The following ZNF169 variants were observed in gnomAD, a reference collection of about 807,000 sequenced individuals.
The protein encoded by ZNF169 is zinc finger protein 169.
ZNF169 carries 11 observed loss-of-function variants against 12.0 expected under a neutral mutation model. The ratio of observed to expected loss-of-function variants is 0.92; its 90% CI spans 0.58 to 1.52. The LOEUF is 1.52. Among genes scored for constraint, ZNF169 ranks in the 40% most tolerant of loss-of-function variants. The pLI is 0.00. For synonymous variants in ZNF169, 302 were observed against 286.5 expected (o/e 1.05, Z -0.55); for missense variants, 722 against 744.0 (o/e 0.97, Z 0.34).
intron 1 of ZNF169, among the ~76,000 whole-genome samples, chr9:94,276,057 G>A (rs971107145): frequency 2.0e-5 from 3 of 152,142 alleles, no homozygotes; most frequent in Non-Finnish European, 2.9e-5. Context: ...GATTACAGGC[G>A]TGAGCCACCA....
chr9:94,292,608 TGTGTGTG>T (rs752372516), intron 3 of ZNF169, 141 bp downstream of exon 3: 17 of 240,758 alleles, frequency 7.1e-5, no homozygotes, highest in Non-Finnish European at 1.1e-4. Flanking sequence ...ACAGTGCAGT[TGTGTGTG>T]TGTGTGTGTG....
At chr9:94,279,429 G>T (rs1286423876) in intron 2 of ZNF169, among the ~76,000 whole-genome samples, 1 of 151,216 alleles carries the variant, frequency 6.6e-6, no homozygotes, top group African/African-American at 2.4e-5. Flanking sequence ...AAGAGAAATT[G>T]TCTGATTTGC....
chr9:94,271,087 C>A (rs1830413894), intron 1 of ZNF169, among the ~76,000 whole-genome samples: 1 of 133,358 alleles, frequency 7.5e-6, no homozygotes, highest in Non-Finnish European at 1.5e-5. Context: ...TGATTTTTCT[C>A]CTTTATTTTG....
rs386415517 is a variant in ZNF169 at position 94,292,607 on chromosome 9, T to TTTGTGTGTGTGTGTGTGTGTG, written c.160+141_160+142insTGTGTGTGTGTGTGTGTGTGT. The TTTGTGTGTGTGTGTGTGTGTG allele has an allele frequency of 1.2e-3, 812 of 678,710 alleles. 2 individuals carry two copies. Among genetic ancestry groups the TTTGTGTGTGTGTGTGTGTGTG allele is most frequent in the East Asian group, 3.5e-3 (116 of 32,926 alleles). The allele number at this position is 678,710 out of a possible 1,614,324, so 42.0% of individuals were successfully genotyped here. On this transcript the variant is annotated intron_variant, in intron 3 of 4. Transcript: ENST00000395395. The stretch of plus-strand genomic sequence containing the variant: ...AGAATGCCTGGCTTTCACAGTGCAG[T>TTTGTGTGTGTGTGTGTGTGTG]TGTGTGTGTGTGTGTGTGTGTGTGT...
chr9:94,271,354 C>T (rs1275294984), intron 1 of ZNF169, among the ~76,000 whole-genome samples: 7 of 151,814 alleles, frequency 4.6e-5, no homozygotes, highest in African/African-American at 7.3e-5. Flanking sequence ...GCCTCAGTTC[C>T]CCAAAGTGCT....
intron 1 of ZNF169, among the ~76,000 whole-genome samples, chr9:94,273,755 A>AT (rs1365630030): frequency 1.3e-5 from 2 of 151,170 alleles, no homozygotes; most frequent in African/African-American, 4.9e-5. Flanking sequence ...AATTTTTTGT[A>AT]TTTTTAGTAG....
At chr9:94,275,838 G>A (rs937865337) in intron 1 of ZNF169, among the ~76,000 whole-genome samples, 3 of 149,228 alleles carry the variant, frequency 2.0e-5, no homozygotes, top group African/African-American at 7.5e-5. Flanking sequence ...CTGGAGTGCA[G>A]TGGTGCTATC....
intron 2 of ZNF169, among the ~76,000 whole-genome samples, chr9:94,281,602 G>A (rs1161420944): frequency 1.3e-5 from 2 of 152,208 alleles, no homozygotes; most frequent in Non-Finnish European, 2.9e-5. Context: ...CCATGACACA[G>A]CTCTCTGGAG....
rs797019206 is a variant in ZNF169, at chr9:94,277,793, G to A, written c.-55-965G>A. Among the ~76,000 whole-genome samples, 81 of 151,904 alleles carry A rather than the reference G, an allele frequency of 5.3e-4. 1 individual carries two copies. Among genetic ancestry groups the A allele is most frequent in the East Asian group, 1.4e-3 (7 of 5,156 alleles). Reference sequence around the variant, plus strand: ...AAAAATACAAAAAAATTAGCCGGGCGTGATGGCGGGCGCCTGTAGTCCCAG... The same window carrying A: ...AAAAATACAAAAAAATTAGCCGGGCATGATGGCGGGCGCCTGTAGTCCCAG... On this transcript the variant is annotated intron_variant, in intron 1 of 4. Coordinates refer to ENST00000395395, the MANE Select transcript of ZNF169 (RefSeq NM_194320.4).
At chr9:94,291,356 C>CA (rs1445746270) in intron 2 of ZNF169, among the ~76,000 whole-genome samples, 1 of 152,048 alleles carries the variant, frequency 6.6e-6, no homozygotes, top group Non-Finnish European at 1.5e-5. Flanking sequence ...CTGGCCAGAA[C>CA]AGTATTCTTA....
intron 1 of ZNF169, among the ~76,000 whole-genome samples, chr9:94,266,384 G>A (rs1830294037): frequency 6.6e-6 from 1 of 152,056 alleles, no homozygotes; most frequent in East Asian, 1.9e-4. Flanking sequence ...TGCTGAGATG[G>A]GGTCGTTGTT....
chr9:94,270,119 T>C (rs1307769262), intron 1 of ZNF169, among the ~76,000 whole-genome samples: 1 of 152,196 alleles, frequency 6.6e-6, no homozygotes, highest in Non-Finnish European at 1.5e-5. Flanking sequence ...CTTGATGGGC[T>C]TTTGTTACAT....
At chr9:94,265,956 C>T (rs112769991) in intron 1 of ZNF169, among the ~76,000 whole-genome samples, 2 of 151,906 alleles carry the variant, frequency 1.3e-5, no homozygotes, top group African/African-American at 2.4e-5. Context: ...CATGGTGGCA[C>T]ATGCCTGTAA....
At position 94,301,524 on chromosome 9, in the gene ZNF169, G is replaced by T; in HGVS notation, c.*154G>T. ...ACTTTCTATATTCACAATTTGTCTT[G>T]GCTTGCTAGGGGTTCCATAACAAAG... On this transcript the variant is annotated 3_prime_UTR_variant, in exon 5 of 5. Transcript: ENST00000395395. 7.3e-7 allele frequency: 1 copy of T among 1,369,498 alleles called. No individual in the cohort carries two copies. The highest frequency in any genetic ancestry group is 9.6e-7 in the Non-Finnish European group (1 of 1,041,814). 84.8% of individuals were successfully genotyped at this position (1,369,498 alleles called of 1,614,324 possible). A position where few individuals can be genotyped will look rare whatever the true frequency, so the allele number is the denominator to read the frequency against.
chr9:94,287,581 G>A (rs1206300164), intron 2 of ZNF169: 4 of 473,532 alleles, frequency 8.4e-6, no homozygotes, highest in Non-Finnish European at 1.6e-5. Context: ...AGCCAGGATG[G>A]TCTTGATCTC....
intron 1 of ZNF169, among the ~76,000 whole-genome samples, chr9:94,261,978 G>T (rs942801780): frequency 1.3e-5 from 2 of 152,120 alleles, no homozygotes; most frequent in African/African-American, 4.8e-5. Flanking sequence ...ACTTATTCAG[G>T]CTGTGTTGTT....
At chr9:94,281,340 T>C (rs7874441) in intron 2 of ZNF169, among the ~76,000 whole-genome samples, 56,708 of 152,110 alleles carry the variant, frequency 0.37, 10,988 homozygotes, top group Middle Eastern at 0.45. Context: ...TAGGCATTTT[T>C]CCTAAGGGCT....
chr9:94,276,366 A>G (rs1830518635), intron 1 of ZNF169, among the ~76,000 whole-genome samples: 1 of 151,938 alleles, frequency 6.6e-6, no homozygotes, highest in Admixed American at 6.6e-5. Context: ...CCCAGGTTCA[A>G]GTGATTCTCC....
chr9:94,278,803 G>A lies in ZNF169; in HGVS notation c.-10G>A, dbSNP rs763590617. On this transcript the variant is annotated 5_prime_UTR_variant, in exon 2 of 5. Coordinates refer to ENST00000395395, the MANE Select transcript of ZNF169 (RefSeq NM_194320.4). The stretch of plus-strand genomic sequence containing the variant: ...TCTCCTCTAGGAAGAGTACTCCAGA[G>A]AGCAGGGATATGTCACCAGGACTCC... 6.8e-6 allele frequency: 11 copies of A among 1,613,794 alleles called. No individual in the cohort carries two copies. The highest frequency in any genetic ancestry group is 9.3e-6 in the Non-Finnish European group (11 of 1,179,966).
Sources: allele counts gnomAD v4.1 joint callset (sites outside exome capture counted in the v4.1 genomes callset), GRCh38; gene constraint gnomAD v4.1.1; transcripts MANE v1.5; gene names NCBI Gene and HGNC (gene_info 2026-07-23, HGNC 2026-07-21).